KIAA1671: variants seen among roughly 807,000 people sequenced by gnomAD.
KIAA1671 encodes uncharacterized protein KIAA1671.
In KIAA1671, 52 loss-of-function variants were observed where a neutral mutation model predicts 131.2. The observed-to-expected ratio is 0.40, with a 90% CI of 0.32 to 0.50. The LOEUF is 0.50. KIAA1671 is among the 20% of genes least tolerant of loss of function. The probability of loss-of-function intolerance (pLI) is 0.73; values close to 1 mark genes in which losing one functional copy is unlikely to be tolerated. For synonymous variants in KIAA1671, 1,003 were observed against 961.6 expected (o/e 1.04, Z -0.80); for missense variants, 2,360 against 2,364.2 (o/e 1.00, Z 0.04).
At chr22:24,966,880 A>G (rs1922333480) in intron 1 of KIAA1671, among the ~76,000 whole-genome samples, 1 of 152,144 alleles carries the variant, frequency 6.6e-6, no homozygotes, top group Non-Finnish European at 1.5e-5. Context: ...AGCTTGAGCC[A>G]GGGAGGTTGA....
chr22:25,041,448 C>A lies in KIAA1671; in HGVS notation c.4318C>A (p.Pro1440Thr). ...ERRREQPKGRPSLTGENLEAK... is the reference protein window; with the variant it reads ...ERRREQPKGRTSLTGENLEAK... ...GAGGCGAGAGCAGCCCAAAGGGAGG[C>A]CCAGCCTTACTGGAGAGAATTTGGA... Residue 1440 changes from proline (P) to threonine (T), a missense_variant, in exon 5 of 13, where the codon CCC becomes ACC. This residue lies in a region of KIAA1671 where 1,161 missense variants were observed against 1,204.7 expected (regional missense o/e 0.96). Transcript: ENST00000358431. 6.4e-7 allele frequency: 1 copy of A among 1,551,678 alleles called. No individual in the cohort carries two copies. Among genetic ancestry groups the A allele is most frequent in the Non-Finnish European group, 8.7e-7 (1 of 1,146,976 alleles).
At chr22:25,126,037 G>A (rs775885194) in intron 6 of KIAA1671, among the ~76,000 whole-genome samples, 1 of 152,198 alleles carries the variant, frequency 6.6e-6, no homozygotes, top group Non-Finnish European at 1.5e-5. Flanking sequence ...TGCTGGTGGA[G>A]GGCACATAGT....
chr22:25,005,326 TGA>T (rs1411613764), intron 1 of KIAA1671, among the ~76,000 whole-genome samples: 1 of 135,944 alleles, frequency 7.4e-6, no homozygotes, highest in African/African-American at 2.9e-5. Flanking sequence ...CCAGCCTGGG[TGA>T]CAGAGCGAGA....
At chr22:24,982,588 G>A (rs545873001) in intron 1 of KIAA1671, among the ~76,000 whole-genome samples, 2 of 152,304 alleles carry the variant, frequency 1.3e-5, no homozygotes, top group East Asian at 3.9e-4. Flanking sequence ...TTTCTTGAGC[G>A]GCCTTTGCTG....
chr22:25,175,805 T>C (rs1601383739), intron 8 of KIAA1671: 1 of 152,336 alleles, frequency 6.6e-6, no homozygotes, highest in Non-Finnish European at 1.5e-5. Context: ...AGAGTGGCCA[T>C]GGAGTGACTC....
intron 1 of KIAA1671, among the ~76,000 whole-genome samples, chr22:24,960,670 T>A: frequency 6.9e-6 from 1 of 144,000 alleles, no homozygotes; most frequent in Non-Finnish European, 1.5e-5. Flanking sequence ...TTTTTTTTTT[T>A]TTTTTTGCTA....
At chr22:25,007,227 T>C (rs905808859) in intron 1 of KIAA1671, among the ~76,000 whole-genome samples, 2 of 151,954 alleles carry the variant, frequency 1.3e-5, no homozygotes, top group Non-Finnish European at 1.5e-5. Flanking sequence ...GTGGCTCACG[T>C]CTGTAATCCC....
chr22:25,019,357 C>T (rs1925534220), intron 1 of KIAA1671, among the ~76,000 whole-genome samples: 1 of 152,062 alleles, frequency 6.6e-6, no homozygotes, highest in Non-Finnish European at 1.5e-5. Context: ...CCTTGTAAAG[C>T]ATTTAGTGTA....
At chr22:25,068,725 C>CG (rs1928638076) in intron 6 of KIAA1671, among the ~76,000 whole-genome samples, 2 of 152,164 alleles carry the variant, frequency 1.3e-5, no homozygotes, top group South Asian at 4.1e-4. Context: ...CGTGAGCCAC[C>CG]GTGCCCAGCC....
At chr22:25,145,945 GAAA>G (rs11337979) in intron 6 of KIAA1671, among the ~76,000 whole-genome samples, 1 of 135,122 alleles carries the variant, frequency 7.4e-6, no homozygotes, top group Non-Finnish European at 1.6e-5. Flanking sequence ...ATCTCTAAAA[GAAA>G]AAAAAAAAAA....
At chr22:25,157,843 A>G (rs2145988951) in intron 6 of KIAA1671, among the ~76,000 whole-genome samples, 1 of 149,006 alleles carries the variant, frequency 6.7e-6, no homozygotes, top group Admixed American at 6.8e-5. Flanking sequence ...TTTTATTCAG[A>G]TGGAGTCTCC....
In KIAA1671 at chr22:24,992,947, G is replaced by C. The variant is rs118136561; in HGVS notation, c.-207-32686G>C. Among the ~76,000 whole-genome samples the C allele has an allele frequency of 2.1e-3, 316 of 151,944 alleles. 3 individuals carry two copies. The East Asian group carries it at 0.052, about 25-fold the overall frequency. On this transcript the variant is annotated intron_variant, in intron 1 of 12. Coordinates refer to ENST00000358431, the MANE Select transcript of KIAA1671 (RefSeq NM_001145206.2). ...AGGTGGGGAAACTGAGGTTTGGGAA[G>C]TTAAGAAACTTACCCATGCTCATAG...
chr22:24,990,015 C>T (rs560718030), intron 1 of KIAA1671, among the ~76,000 whole-genome samples: 7 of 152,202 alleles, frequency 4.6e-5, no homozygotes, highest in African/African-American at 1.7e-4. Context: ...GAGCACCAGA[C>T]GGCAGGAAAA....
intron 6 of KIAA1671, among the ~76,000 whole-genome samples, chr22:25,142,519 T>A (rs1016552728): frequency 6.6e-6 from 1 of 152,158 alleles, no homozygotes; most frequent in Non-Finnish European, 1.5e-5. Flanking sequence ...TTTGAAATGC[T>A]TTTTTGGGTC....
chr22:25,060,741 T>C (rs1270556821), intron 6 of KIAA1671: 1 of 152,166 alleles, frequency 6.6e-6, no homozygotes, highest in African/African-American at 2.4e-5. Flanking sequence ...CTCATTCTCC[T>C]CCCAGGTGAA....
intron 1 of KIAA1671, among the ~76,000 whole-genome samples, chr22:24,974,173 CA>C (rs765546967): frequency 6.6e-6 from 1 of 152,146 alleles, no homozygotes; most frequent in Non-Finnish European, 1.5e-5. Flanking sequence ...TGAGGCCTCT[CA>C]GCTGCGTGGG....
Position 25,039,318 on chromosome 22 carries a change from G to T in KIAA1671, c.2188G>T (p.Glu730Ter). 1.3e-6 allele frequency: 2 copies of T among 1,552,056 alleles called. No homozygotes were observed. Among genetic ancestry groups the T allele is most frequent in the Non-Finnish European group, 1.7e-6 (2 of 1,147,078 alleles). ...LENPPTSQRI[E>*]PRYDIVHAVG... ...AAATCCTCCCACATCGCAGAGAATTGAGCCCAGATATGACATTGTGCATGC... is the reference window on the plus strand; with the variant it reads ...AAATCCTCCCACATCGCAGAGAATTTAGCCCAGATATGACATTGTGCATGC... The change falls in exon 5 of 13, where the codon GAG becomes TAG. Residue 730 changes from glutamate to a stop codon, truncating the protein, a stop_gained. Transcript: ENST00000358431. LOFTEE classifies it high-confidence loss of function.
Position 25,028,690 on chromosome 22 carries a change from C to T in KIAA1671, c.691C>T (p.Leu231Phe), listed in dbSNP as rs1926101798. 2.3e-5 allele frequency: 36 copies of T among 1,551,222 alleles called. No homozygotes were observed. The South Asian group carries it at 3.8e-4, about 16-fold the overall frequency. ...CAGTGTGGAGGACACGGCACGCCCCCTTGTGGAGCCCAGGCCTCGCCTGAA... is the reference window on the plus strand; with the variant it reads ...CAGTGTGGAGGACACGGCACGCCCCTTTGTGGAGCCCAGGCCTCGCCTGAA... ...ASSVEDTARPLVEPRPRLKRR... is the reference protein window; with the variant it reads ...ASSVEDTARPFVEPRPRLKRR... The change falls in exon 3 of 13, where the codon CTT (leucine) becomes TTT (phenylalanine). Residue 231 changes from leucine to phenylalanine, a missense_variant. By Grantham distance (22) the Leu-to-Phe change is conservative. Around this residue, in one of 3 missense-constraint regions of KIAA1671, gnomAD observed 1,185 missense variants for 1,126.2 expected, o/e 1.05. Coordinates refer to ENST00000358431, the MANE Select transcript of KIAA1671 (RefSeq NM_001145206.2).
chr22:25,084,143 G>C (rs1405869936), intron 6 of KIAA1671, among the ~76,000 whole-genome samples: 1 of 152,244 alleles, frequency 6.6e-6, no homozygotes. Context: ...CAGGAAGGCT[G>C]CAGAGCCCCC....
Sources: gnomAD v4.1 joint callset for allele counts (sites outside exome capture counted in the v4.1 genomes callset) on GRCh38, gnomAD v4.1.1 for gene constraint, gnomAD v4.1.1 regional missense constraint, MANE v1.5 for transcripts, NCBI Gene and HGNC (gene_info 2026-07-23, HGNC 2026-07-21) for gene names.